Variants in SPACA7 observed in about 807,000 individuals in gnomAD.
SPACA7 encodes sperm acrosome associated 7.
In SPACA7, 19 loss-of-function variants were observed where a neutral mutation model predicts 26.3. The ratio of observed to expected loss-of-function variants is 0.72; its 90% CI spans 0.50 to 1.06. The LOEUF (loss-of-function observed/expected upper bound fraction) is 1.06, where lower values mean the gene tolerates loss of function less well. Ranked by LOEUF, SPACA7 falls within the 50% of genes least tolerant of loss-of-function variation. SPACA7 has a pLI of 0.00. For missense variants in SPACA7, 211 were observed against 229.9 expected (o/e 0.92, Z 0.53); for synonymous variants, 84 against 84.5 (o/e 0.99, Z 0.04).
intron 5 of SPACA7, among the ~76,000 whole-genome samples, chr13:112,422,359 G>T (rs1876073171): frequency 6.6e-6 from 1 of 152,160 alleles, no homozygotes; most frequent in Non-Finnish European, 1.5e-5. Flanking sequence ...GGAAACTTTA[G>T]CACTCTTTTT....
At chr13:112,419,729 AC>A (rs1367069031) in intron 5 of SPACA7, among the ~76,000 whole-genome samples, 1 of 152,218 alleles carries the variant, frequency 6.6e-6, no homozygotes, top group Non-Finnish European at 1.5e-5. Flanking sequence ...GAGAGAAGTG[AC>A]ATGGGTGCTG....
intron 2 of SPACA7, among the ~76,000 whole-genome samples, chr13:112,397,068 G>A (rs1235544133): frequency 1.3e-5 from 2 of 152,242 alleles, no homozygotes; most frequent in East Asian, 1.9e-4. Flanking sequence ...CTCTGTGAGT[G>A]AGAAAGAGGG....
At chr13:112,402,782 T>C (rs950573594) in intron 5 of SPACA7, among the ~76,000 whole-genome samples, 52 of 152,304 alleles carry the variant, frequency 3.4e-4, no homozygotes, top group African/African-American at 1.2e-3. Context: ...CTATTAAATA[T>C]AGTGAATGAT....
intron 5 of SPACA7, among the ~76,000 whole-genome samples, chr13:112,406,517 C>A (rs1026885148): frequency 5.3e-5 from 8 of 152,228 alleles, no homozygotes; most frequent in Admixed American, 6.5e-5. Context: ...TAAAACCCAA[C>A]AACAAATAAC....
intron 6 of SPACA7, among the ~76,000 whole-genome samples, 155 bp from the exon 7 acceptor site, chr13:112,434,330 G>T (rs1389697943): frequency 6.6e-6 from 1 of 152,072 alleles, no homozygotes. Flanking sequence ...CCCCCTCCCG[G>T]TCCTCCTGCC....
chr13:112,383,184 A>G (rs984804720), intron 1 of SPACA7, among the ~76,000 whole-genome samples: 68 of 139,914 alleles, frequency 4.9e-4, no homozygotes, highest in Non-Finnish European at 8.1e-4. Context: ...AAAGAAAGAA[A>G]GAAAGAAAGA....
intron 5 of SPACA7, among the ~76,000 whole-genome samples, chr13:112,417,555 T>C (rs1886769379): frequency 6.6e-6 from 1 of 152,176 alleles, no homozygotes; most frequent in Non-Finnish European, 1.5e-5. Context: ...TCCTTTGTCA[T>C]TCAATTTCTA....
intron 5 of SPACA7, among the ~76,000 whole-genome samples, chr13:112,407,391 G>A (rs181941718): frequency 6.6e-6 from 1 of 152,228 alleles, no homozygotes; most frequent in Non-Finnish European, 1.5e-5. Context: ...AAGAGATGGA[G>A]ACACAAAAAA....
chr13:112,424,668 C>T (rs1242377027), intron 5 of SPACA7, among the ~76,000 whole-genome samples: 1 of 152,212 alleles, frequency 6.6e-6, no homozygotes, highest in Non-Finnish European at 1.5e-5. Flanking sequence ...CTCACCTCCT[C>T]CTCCAGCCTG....
chr13:112,398,197 G>A (rs999974553), intron 3 of SPACA7, 59 bp downstream of exon 3: 1 of 1,310,072 alleles, frequency 7.6e-7, no homozygotes, highest in African/African-American at 1.5e-5. Context: ...ATTCCTGGAG[G>A]TCTGTGGTAT....
chr13:112,393,089 C>T lies in SPACA7; in HGVS notation c.151+12C>T. On this transcript the variant is annotated intron_variant, in intron 2 of 6. Coordinates refer to ENST00000283550, the MANE Select transcript of SPACA7 (RefSeq NM_145248.5). The stretch of plus-strand genomic sequence containing the variant: ...GTCTGAATTATTAGGTAAGGAAGCC[C>T]CTCCTATCAACCTCTGGCCTGTACG... The T allele has an allele frequency of 6.2e-7, 1 of 1,611,212 alleles. No homozygotes were observed. The highest frequency in any genetic ancestry group is 8.5e-7 in the Non-Finnish European group (1 of 1,177,796).
At chr13:112,392,399 C>G (rs1884948531) in intron 1 of SPACA7, among the ~76,000 whole-genome samples, 1 of 152,180 alleles carries the variant, frequency 6.6e-6, no homozygotes, top group Non-Finnish European at 1.5e-5. Flanking sequence ...GACCCCACCT[C>G]TTATCTGCAG....
chr13:112,408,673 G>GACCT (rs1161435853), intron 5 of SPACA7, among the ~76,000 whole-genome samples: 2 of 152,048 alleles, frequency 1.3e-5, no homozygotes, highest in Non-Finnish European at 2.9e-5. Context: ...GGATGTGAAG[G>GACCT]ACCTCTTCAA....
chr13:112,400,328 T>C (rs1490491730), intron 4 of SPACA7, among the ~76,000 whole-genome samples: 1 of 152,214 alleles, frequency 6.6e-6, no homozygotes, highest in Non-Finnish European at 1.5e-5. Context: ...AAAATTAATA[T>C]GAATACCTCC....
At position 112,419,938 on chromosome 13, in the gene SPACA7, G is replaced by A. The variant is rs185842060; in HGVS notation, c.446-12506G>A. Among the ~76,000 whole-genome samples the A allele has an allele frequency of 4.0e-4, 61 of 152,316 alleles. 1 individual carries two copies. In the East Asian group the frequency reaches 6.6e-3, roughly 16 times the overall value. ...GGCTAAAGGGAAATAGAAACACTAC[G>A]AAAGTCTCTGGCCCCCTAGCTCATA... is the stretch of plus-strand genomic sequence containing the variant. On this transcript the variant is annotated intron_variant, in intron 5 of 6. Transcript: ENST00000283550.
chr13:112,414,388 C>CTTTTTTTTTTTTTTTTTTTT (rs869183760), intron 5 of SPACA7, among the ~76,000 whole-genome samples: 4 of 31,396 alleles, frequency 1.3e-4, no homozygotes, highest in Admixed American at 5.1e-4. Flanking sequence ...TTTTCTGTGT[C>CTTTTTTTTTTTTTTTTTTTT]TTTTTTTTTT....
At position 112,399,072 on chromosome 13, in the gene SPACA7, G is replaced by A. The variant is rs766524706; in HGVS notation, c.248G>A (p.Gly83Asp). Residue 83 changes from glycine (G) to aspartate (D), a missense_variant, in exon 4 of 7, where the codon GGT (glycine) becomes GAT (aspartate). By Grantham distance (94) the Gly-to-Asp change is moderately conservative. Transcript: ENST00000283550. ...ASTLSTPLHA[G>D]IDENYQAGGS... is the part of the protein sequence containing the mutation. ...TCCATGTTCTTCATTGAAGATGCTGGTATTGATGAGAATTATCAAGCTGGT... is the reference window on the plus strand; with the variant it reads ...TCCATGTTCTTCATTGAAGATGCTGATATTGATGAGAATTATCAAGCTGGT... 8 of 1,592,806 alleles carry A rather than the reference G, an allele frequency of 5.0e-6. No individual in the cohort carries two copies. The African/African-American group carries it at 1.1e-4, about 21-fold the overall frequency.
chr13:112,401,936 C>G (rs1305831416), intron 5 of SPACA7, among the ~76,000 whole-genome samples: 1 of 152,190 alleles, frequency 6.6e-6, no homozygotes, highest in Admixed American at 6.5e-5. Context: ...GCACAGTCCT[C>G]TACTAAGGGG....
intron 5 of SPACA7, among the ~76,000 whole-genome samples, chr13:112,414,710 C>G (rs182691246): frequency 1.3e-5 from 2 of 152,228 alleles, no homozygotes; most frequent in South Asian, 2.1e-4. Context: ...CCGTGCCCAA[C>G]CTTTTCTGTG....
Sources: gnomAD v4.1 joint callset for allele counts (sites outside exome capture counted in the v4.1 genomes callset) on GRCh38, gnomAD v4.1.1 for gene constraint, MANE v1.5 for transcripts, NCBI Gene and HGNC (gene_info 2026-07-23, HGNC 2026-07-21) for gene names.